Variants in MSI2 observed in about 807,000 individuals in gnomAD.
MSI2 encodes musashi RNA binding protein 2.
A neutral mutation model predicts 45.6 loss-of-function variants in MSI2; 17 were observed. That is an observed-to-expected ratio of 0.37 (90% CI 0.26 to 0.56). The LOEUF is 0.56. MSI2 is among the 20% of genes least tolerant of loss of function. The pLI is 0.77. For missense variants in MSI2, 293 were observed against 444.2 expected, an observed-to-expected ratio of 0.66 and a Z score of 3.06; for synonymous variants, 156 against 158.2, an observed-to-expected ratio of 0.99 and a Z score of 0.11.
intron 7 of MSI2, among the ~76,000 whole-genome samples, chr17:57,557,050 G>A (rs1175415243): frequency 6.6e-6 from 1 of 152,216 alleles, no homozygotes; most frequent in East Asian, 1.9e-4. Context: ...AGGGCATGGA[G>A]TATGGAGCCC....
intron 7 of MSI2, among the ~76,000 whole-genome samples, chr17:57,557,633 TC>T (rs1308462070): frequency 6.6e-6 from 1 of 152,170 alleles, no homozygotes; most frequent in African/African-American, 2.4e-5. Flanking sequence ...GCTGGGGTGT[TC>T]CCCCTTGTGC....
At chr17:57,275,847 A>T (rs1294059162) in intron 5 of MSI2, among the ~76,000 whole-genome samples, 1 of 152,236 alleles carries the variant, frequency 6.6e-6, no homozygotes, top group Non-Finnish European at 1.5e-5. Flanking sequence ...TCACTAGGCT[A>T]TGAAGCAGTT....
intron 6 of MSI2, chr17:57,450,270 A>AGAAAGAAAAGAAAGAAAGAAAGAAT (rs2084978992): frequency 9.9e-6 from 1 of 101,094 alleles, no homozygotes; most frequent in Admixed American, 9.2e-5. Flanking sequence ...AAAGAAAGAA[A>AGAAAGAAAAGAAAGAAAGAAAGAAT]GAAAGAAAGA....
chr17:57,528,252 T>TG (rs1392611678), intron 6 of MSI2, among the ~76,000 whole-genome samples: 1 of 152,182 alleles, frequency 6.6e-6, no homozygotes, highest in Non-Finnish European at 1.5e-5. Flanking sequence ...TAAAGATGTG[T>TG]GCTCTGTGGG....
chr17:57,485,191 A>G (rs1235242445), intron 6 of MSI2, among the ~76,000 whole-genome samples: 2 of 152,174 alleles, frequency 1.3e-5, no homozygotes, highest in South Asian at 4.1e-4. Flanking sequence ...GGCCTGGACT[A>G]TTCTAGTCTT....
intron 3 of MSI2, among the ~76,000 whole-genome samples, 169 bp from the exon 4 acceptor site, chr17:57,258,101 T>C (rs1446257691): frequency 6.6e-6 from 1 of 151,994 alleles, no homozygotes; most frequent in African/African-American, 2.4e-5. Flanking sequence ...TGTTTTTTCT[T>C]GCGAGGTGGA....
intron 6 of MSI2, among the ~76,000 whole-genome samples, chr17:57,418,262 C>T (rs1164998016): frequency 6.6e-6 from 1 of 152,186 alleles, no homozygotes; most frequent in Non-Finnish European, 1.5e-5. Context: ...CTTGACGTCT[C>T]AAAGAAAGCA....
chr17:57,379,820 T>C (rs1258308340), intron 5 of MSI2, among the ~76,000 whole-genome samples: 1 of 152,190 alleles, frequency 6.6e-6, no homozygotes, highest in Non-Finnish European at 1.5e-5. Context: ...AGGCAGGCAG[T>C]GCTCTTCCAG....
chr17:57,540,434 C>T (rs1242709056), intron 7 of MSI2, among the ~76,000 whole-genome samples: 1 of 152,144 alleles, frequency 6.6e-6, no homozygotes, highest in Non-Finnish European at 1.5e-5. Flanking sequence ...CCTCCAAAAG[C>T]ATAAGTTGAA....
intron 6 of MSI2, among the ~76,000 whole-genome samples, chr17:57,432,087 A>G (rs1355613467): frequency 6.6e-6 from 1 of 152,172 alleles, no homozygotes; most frequent in Non-Finnish European, 1.5e-5. Flanking sequence ...GTCGCACTTC[A>G]TAACCCTTCC....
intron 6 of MSI2, among the ~76,000 whole-genome samples, chr17:57,496,016 T>C (rs1014711247): frequency 3.3e-5 from 5 of 152,214 alleles, no homozygotes; most frequent in African/African-American, 1.2e-4. Flanking sequence ...GTTAATATAC[T>C]TGAATGATAC....
chr17:57,325,606 G>T (rs1913721017), intron 5 of MSI2, among the ~76,000 whole-genome samples: 1 of 152,200 alleles, frequency 6.6e-6, no homozygotes, highest in Non-Finnish European at 1.5e-5. Flanking sequence ...CACTGGGTGT[G>T]CAGCGGCTAT....
chr17:57,303,546 T>C (rs578011210), intron 5 of MSI2, among the ~76,000 whole-genome samples: 52 of 152,240 alleles, frequency 3.4e-4, no homozygotes, highest in Non-Finnish European at 7.1e-4. Flanking sequence ...AAATAATAGT[T>C]GATTTCATTT....
intron 11 of MSI2, among the ~76,000 whole-genome samples, chr17:57,657,374 G>A (rs1396604726): frequency 6.6e-6 from 1 of 152,110 alleles, no homozygotes; most frequent in African/African-American, 2.4e-5. Flanking sequence ...CAGGCTTCAG[G>A]GCTGCTGAAG....
chr17:57,666,225 TC>T (rs1473745273), intron 11 of MSI2, among the ~76,000 whole-genome samples: 8 of 152,246 alleles, frequency 5.3e-5, no homozygotes, highest in Admixed American at 5.2e-4. Context: ...GCATGTGCCT[TC>T]AAGTTAGAGC....
intron 7 of MSI2, among the ~76,000 whole-genome samples, chr17:57,595,990 A>G (rs1598433101): frequency 6.6e-6 from 1 of 152,204 alleles, no homozygotes; most frequent in African/African-American, 2.4e-5. Flanking sequence ...CTCCCTCGCC[A>G]TGTTAACGCT....
intron 6 of MSI2, among the ~76,000 whole-genome samples, chr17:57,502,636 T>TATATATATATATATATATCATAG: frequency 7.2e-5 from 7 of 96,934 alleles, no homozygotes; most frequent in African/African-American, 2.4e-4. Context: ...TATATATATA[T>TATATATATATATATATATCATAG]AGTCATCATT....
intron 7 of MSI2, among the ~76,000 whole-genome samples, chr17:57,534,692 G>C (rs2086887503): frequency 6.6e-6 from 1 of 152,184 alleles, no homozygotes; most frequent in African/African-American, 2.4e-5. Flanking sequence ...TCCAGCCTGG[G>C]CAACAAGAGT....
intron 5 of MSI2, among the ~76,000 whole-genome samples, chr17:57,373,458 T>C (rs761777978): frequency 6.6e-6 from 1 of 152,230 alleles, no homozygotes; most frequent in Non-Finnish European, 1.5e-5. Flanking sequence ...AAAGGCCGTG[T>C]GTTAGTCTAG....
Sources: allele counts gnomAD v4.1 joint callset (sites outside exome capture counted in the v4.1 genomes callset), GRCh38; gene constraint gnomAD v4.1.1; transcripts MANE v1.5; gene names NCBI Gene and HGNC (gene_info 2026-07-23, HGNC 2026-07-21).